Variants in ZFHX3 observed in about 807,000 individuals in gnomAD.
The protein encoded by ZFHX3 is zinc finger homeobox protein 3.
A neutral mutation model predicts 279.1 loss-of-function variants in ZFHX3; 42 were observed. The ratio of observed to expected loss-of-function variants is 0.15; its 90% confidence interval spans 0.12 to 0.19. The LOEUF is 0.19. Ranked by LOEUF, ZFHX3 falls within the 10% of genes least tolerant of loss-of-function variation. The pLI is 1.00. For synonymous variants in ZFHX3, 2,293 were observed against 1,957.8 expected (o/e 1.17, Z -4.52); for missense variants, 4,981 against 4,754.0 (o/e 1.05, Z -1.40).
At chr16:73,060,564 T>G (rs1348757081), upstream of ZFHX3, 1 of 131,754 alleles carries the variant, frequency 7.6e-6, no homozygotes, top group Non-Finnish European at 1.6e-5. Flanking sequence ...AATCCTAGCC[T>G]CAGCGTCACT....
rs1555502324 is a variant in ZFHX3 at position 73,168,211 on chromosome 16, T to TTTTCTTTTTCTTTCTTTC, written c.-1103-24381_-1103-24380insGAAAGAAAGAAAAAGAAA. ...CCTTTTAACACTATAGTTTCTTTTG[T>TTTTCTTTTTCTTTCTTTC]TTTCTTTCTTTCTTTCTTTCTTTCT... On this transcript the variant is annotated intron_variant, in intron 5 of 17. Transcript: ENST00000641206. Among the ~76,000 whole-genome samples the TTTTCTTTTTCTTTCTTTC allele has an allele frequency of 1.1e-3, 107 of 95,302 alleles. 1 individual carries two copies. Among genetic ancestry groups the TTTTCTTTTTCTTTCTTTC allele is most frequent in the African/African-American group, 3.7e-3 (92 of 25,008 alleles). The allele number at this position is 95,302 out of a possible 152,430, so 62.5% of individuals were successfully genotyped here.
chr16:73,830,831 C>T (rs1960977122), intron 1 of ZFHX3, among the ~76,000 whole-genome samples: 1 of 152,164 alleles, frequency 6.6e-6, no homozygotes. Flanking sequence ...GATGCCGTTC[C>T]TCTGGTCATT....
intron 6 of ZFHX3, among the ~76,000 whole-genome samples, chr16:73,134,058 G>A (rs539088108): frequency 6.6e-6 from 1 of 152,138 alleles, no homozygotes; most frequent in Non-Finnish European, 1.5e-5. Flanking sequence ...ATATTCATTC[G>A]TTGAATCCCC....
At chr16:73,448,777 A>G (rs779912987) in intron 3 of ZFHX3, among the ~76,000 whole-genome samples, 3 of 148,782 alleles carry the variant, frequency 2.0e-5, no homozygotes, top group Admixed American at 1.4e-4. Context: ...TTTTCTGTCT[A>G]TTGCATTCTC....
At chr16:73,513,807 G>T (rs566983282) in intron 2 of ZFHX3, among the ~76,000 whole-genome samples, 1 of 152,078 alleles carries the variant, frequency 6.6e-6, no homozygotes, top group African/African-American at 2.4e-5. Context: ...AGCCTATGGG[G>T]TTCTTTGTCT....
chr16:73,377,821 C>G (rs1201568389), intron 3 of ZFHX3, among the ~76,000 whole-genome samples: 1 of 151,430 alleles, frequency 6.6e-6, no homozygotes, highest in African/African-American at 2.4e-5. Context: ...ATCACGAGGT[C>G]AGGAGATTGA....
At chr16:72,912,109 T>C (rs2040509) in intron 3 of ZFHX3, among the ~76,000 whole-genome samples, 48,473 of 152,130 alleles carry the variant, frequency 0.32, 8,271 homozygotes, top group African/African-American at 0.42. Flanking sequence ...CATGTGCCAT[T>C]GCTGCCTGTA....
intron 1 of ZFHX3, among the ~76,000 whole-genome samples, chr16:72,995,837 AT>A (rs1440845807): frequency 1.3e-5 from 2 of 152,332 alleles, no homozygotes; most frequent in East Asian, 3.9e-4. Flanking sequence ...AAATGAGCAC[AT>A]ATGAGAACAG....
intron 2 of ZFHX3, among the ~76,000 whole-genome samples, chr16:73,491,603 T>A (rs146091256): frequency 6.6e-6 from 1 of 152,226 alleles, no homozygotes; most frequent in African/African-American, 2.4e-5. Context: ...CTGAGTCTCA[T>A]TGGCTGGCAA....
At chr16:73,188,306 G>T (rs1001222371) in intron 5 of ZFHX3, among the ~76,000 whole-genome samples, 1 of 151,298 alleles carries the variant, frequency 6.6e-6, no homozygotes, top group Non-Finnish European at 1.5e-5. Flanking sequence ...GCGATCCTCC[G>T]GCCTCGGCCT....
At chr16:73,426,656 T>C (rs4888277) in intron 3 of ZFHX3, among the ~76,000 whole-genome samples, 25,699 of 151,992 alleles carry the variant, frequency 0.17, 2,500 homozygotes, top group Middle Eastern at 0.27. Flanking sequence ...TGTGGGAGGT[T>C]TGCAGGAAAA....
intron 1 of ZFHX3, among the ~76,000 whole-genome samples, chr16:73,822,487 G>A (rs1294453628): frequency 6.6e-6 from 1 of 151,688 alleles, no homozygotes; most frequent in East Asian, 1.9e-4. Context: ...GCTTTTCTCA[G>A]GTTGACTGTC....
chr16:73,069,309 A>C (rs933255222), intron 8 of ZFHX3, among the ~76,000 whole-genome samples: 39 of 152,266 alleles, frequency 2.6e-4, no homozygotes, highest in African/African-American at 8.2e-4. Flanking sequence ...CTGGCCTCTC[A>C]CCCTCTCCCC....
intron 2 of ZFHX3, among the ~76,000 whole-genome samples, chr16:73,563,266 C>G (rs2020402071): frequency 1.4e-5 from 2 of 147,078 alleles, no homozygotes; most frequent in African/African-American, 5.0e-5. Flanking sequence ...GAGAGGGAGT[C>G]TCACTCTGCC....
chr16:72,949,665 G>T (rs544254268), intron 3 of ZFHX3, among the ~76,000 whole-genome samples: 65 of 151,664 alleles, frequency 4.3e-4, no homozygotes, highest in Non-Finnish European at 6.6e-4. Flanking sequence ...AGAGACAGAG[G>T]AAGAGGGGGA....
At chr16:73,143,223 C>T (rs528804436) in intron 6 of ZFHX3, among the ~76,000 whole-genome samples, 2 of 151,898 alleles carry the variant, frequency 1.3e-5, no homozygotes, top group Admixed American at 1.3e-4. Flanking sequence ...GCTCTCATAG[C>T]CTATTTTTAA....
intron 3 of ZFHX3, among the ~76,000 whole-genome samples, chr16:73,322,961 G>T (rs1724060871): frequency 6.6e-6 from 1 of 152,194 alleles, no homozygotes; most frequent in South Asian, 2.1e-4. Context: ...TGTGTTCAAA[G>T]ACACATTGTT....
chr16:73,830,941 T>A (rs1960979835), intron 1 of ZFHX3, among the ~76,000 whole-genome samples: 1 of 152,078 alleles, frequency 6.6e-6, no homozygotes, highest in Non-Finnish European at 1.5e-5. Flanking sequence ...GTCCACCACA[T>A]CAATTGCACA....
intron 2 of ZFHX3, among the ~76,000 whole-genome samples, chr16:73,595,387 C>T (rs2052038072): frequency 6.6e-6 from 1 of 152,208 alleles, no homozygotes; most frequent in Non-Finnish European, 1.5e-5. Context: ...CTTCCTTGAC[C>T]TCTCAGCTGC....
Sources: allele counts gnomAD v4.1 joint callset (sites outside exome capture counted in the v4.1 genomes callset), GRCh38; gene constraint gnomAD v4.1.1; transcripts MANE v1.5; gene names NCBI Gene and HGNC (gene_info 2026-07-23, HGNC 2026-07-21).